Variants in SND1 observed in about 807,000 individuals in gnomAD.
The protein encoded by SND1 is staphylococcal nuclease and tudor domain containing 1, also known as staphylococcal nuclease domain-containing protein 1.
SND1 carries 38 observed loss-of-function variants against 121.7 expected under a neutral mutation model. That is an observed-to-expected ratio of 0.31 (90% CI 0.24 to 0.41). SND1 has a LOEUF of 0.41. Among genes scored for constraint, SND1 ranks in the 10% least tolerant of loss-of-function variants. The pLI, the probability that SND1 is intolerant of heterozygous loss-of-function variation, is 1.00. For missense variants in SND1, 868 were observed against 1,184.6 expected (o/e 0.73, Z 3.92); for synonymous variants, 401 against 447.4 (o/e 0.90, Z 1.31).
chr7:127,667,401 G>A (rs1391147429), intron 1 of SND1, among the ~76,000 whole-genome samples: 4 of 152,088 alleles, frequency 2.6e-5, no homozygotes, highest in Admixed American at 6.5e-5. Context: ...CCCCTACCAC[G>A]TTTTATCATT....
intron 14 of SND1, among the ~76,000 whole-genome samples, chr7:127,922,934 G>A (rs978650118): frequency 1.3e-5 from 2 of 152,182 alleles, no homozygotes; most frequent in Non-Finnish European, 2.9e-5. Context: ...CCTGAGTGAG[G>A]TGCTTTACCA....
chr7:127,770,781 T>C (rs1797499893), intron 10 of SND1, among the ~76,000 whole-genome samples: 1 of 152,260 alleles, frequency 6.6e-6, no homozygotes, highest in Non-Finnish European at 1.5e-5. Context: ...TGAATGCTTA[T>C]TGCTATTTCA....
At chr7:127,821,321 T>A (rs2116605157) in intron 11 of SND1, among the ~76,000 whole-genome samples, 1 of 152,278 alleles carries the variant, frequency 6.6e-6, no homozygotes, top group East Asian at 1.9e-4. Flanking sequence ...TTGGCCATTG[T>A]TTCAGTTAGC....
chr7:127,923,428 A>G (rs1166123727), intron 14 of SND1, among the ~76,000 whole-genome samples: 1 of 152,162 alleles, frequency 6.6e-6, no homozygotes, highest in Non-Finnish European at 1.5e-5. Flanking sequence ...TCTAGTACAC[A>G]TCTCACCACA....
At chr7:127,693,387 A>G (rs1381281409) in intron 2 of SND1, among the ~76,000 whole-genome samples, 1 of 152,148 alleles carries the variant, frequency 6.6e-6, no homozygotes, top group Non-Finnish European at 1.5e-5. Flanking sequence ...GTATCTGTTC[A>G]TTTTTGCATC....
intron 16 of SND1, among the ~76,000 whole-genome samples, chr7:128,007,844 A>G (rs577667784): frequency 9.9e-5 from 15 of 152,242 alleles, no homozygotes; most frequent in Non-Finnish European, 1.8e-4. Flanking sequence ...CCTTCATAAT[A>G]CTGAATTATA....
chr7:127,733,561 G>A (rs1414395601), intron 10 of SND1, among the ~76,000 whole-genome samples: 1 of 152,154 alleles, frequency 6.6e-6, no homozygotes, highest in Non-Finnish European at 1.5e-5. Flanking sequence ...ATCCCCTGAT[G>A]CAAAGTTTTA....
At chr7:127,704,721 A>G in intron 7 of SND1, 118 bp from the exon 8 acceptor site, 1 of 853,870 alleles carries the variant, frequency 1.2e-6, no homozygotes. Context: ...TAAACAAACA[A>G]ACAAACAAAC....
chr7:128,034,773 C>A (rs1792716991), intron 16 of SND1, among the ~76,000 whole-genome samples: 1 of 152,244 alleles, frequency 6.6e-6, no homozygotes, highest in South Asian at 2.1e-4. Flanking sequence ...GAAAGCACCA[C>A]TGAACCTACT....
At position 127,701,130 on chromosome 7, in the gene SND1, A is replaced by G. The variant is rs763749695; in HGVS notation, c.429-33A>G. On this transcript the variant is annotated intron_variant, in intron 4 of 23. Coordinates refer to ENST00000354725, the MANE Select transcript of SND1 (RefSeq NM_014390.4). ...GCCTCGTATTTCTGTTTGTGAACTCACTAACCACTCTTGTTTATTTTTTAT... is the reference window on the plus strand; with the variant it reads ...GCCTCGTATTTCTGTTTGTGAACTCGCTAACCACTCTTGTTTATTTTTTAT... 4.3e-6 allele frequency: 7 copies of G among 1,610,684 alleles called. No individual in the cohort carries two copies. In the South Asian group the frequency reaches 7.7e-5, roughly 18 times the overall value.
intron 12 of SND1, among the ~76,000 whole-genome samples, chr7:127,877,467 C>G (rs1799713021): frequency 6.6e-6 from 1 of 152,060 alleles, no homozygotes; most frequent in African/African-American, 2.4e-5. Context: ...ATTCCAAATA[C>G]TGCCTTCCTG....
chr7:127,935,702 G>A lies in SND1; in HGVS notation c.1669+6373G>A, dbSNP rs888917470. Among the ~76,000 whole-genome samples, 4 of 152,192 alleles carry A rather than the reference G, an allele frequency of 2.6e-5. No homozygotes were observed. The East Asian group carries it at 5.8e-4, about 22-fold the overall frequency. The stretch of plus-strand genomic sequence containing the variant: ...TGCTATTCATGTTGTGGGATTGTTC[G>A]CCTGGGCAGCGATTGTCCTGCTAGA... On this transcript the variant is annotated intron_variant, in intron 15 of 23. Transcript: ENST00000354725.
intron 12 of SND1, among the ~76,000 whole-genome samples, chr7:127,856,147 T>C (rs1283045021): frequency 3.9e-5 from 6 of 152,228 alleles, no homozygotes; most frequent in Non-Finnish European, 8.8e-5. Flanking sequence ...TGGATATGCA[T>C]GAGTAATGCT....
intron 16 of SND1, among the ~76,000 whole-genome samples, chr7:128,057,795 C>T (rs1403886452): frequency 3.3e-5 from 5 of 152,204 alleles, no homozygotes; most frequent in Non-Finnish European, 5.9e-5. Flanking sequence ...AGATAGATCT[C>T]TACCACACAC....
At chr7:127,732,547 C>T (rs1360753606) in intron 10 of SND1, among the ~76,000 whole-genome samples, 1 of 152,196 alleles carries the variant, frequency 6.6e-6, no homozygotes, top group East Asian at 1.9e-4. Flanking sequence ...TTGACTGCTG[C>T]CCTTTAGCTG....
At chr7:127,911,087 T>C (rs1309147461) in intron 14 of SND1, among the ~76,000 whole-genome samples, 2 of 152,310 alleles carry the variant, frequency 1.3e-5, no homozygotes, top group African/African-American at 4.8e-5. Flanking sequence ...GGTGGCTTCC[T>C]TGCCTCCCTG....
chr7:127,962,348 T>C (rs1801752508), intron 15 of SND1, among the ~76,000 whole-genome samples: 1 of 152,208 alleles, frequency 6.6e-6, no homozygotes, highest in Non-Finnish European at 1.5e-5. Flanking sequence ...ACCAGGTTCT[T>C]TGTATATACG....
rs2117074928 is a variant in SND1 at position 128,092,019 on chromosome 7, T to A, written c.2694T>A (p.Phe898Leu). ...TGAACCTGTGGCGCTATGGAGACTT[T>A]CGAGCTGATGATGCAGACGAATTTG... ...ARLNLWRYGD[F>L]RADDADEFGY... The change falls in exon 24 of 24, where the codon TTT becomes TTA. Residue 898 changes from phenylalanine (F) to leucine (L), a missense_variant. By Grantham distance (22) the Phe-to-Leu change is conservative. This residue lies in a region of SND1 where 743 missense variants were observed against 1,071.3 expected (regional missense o/e 0.69). Coordinates refer to ENST00000354725, the MANE Select transcript of SND1 (RefSeq NM_014390.4). The surrounding 1 kb of genome is among the most constrained non-coding windows in gnomAD (Gnocchi z 4.9). 6.2e-7 allele frequency: 1 copy of A among 1,614,112 alleles called. No individual in the cohort carries two copies. Among genetic ancestry groups the A allele is most frequent in the East Asian group, 2.2e-5 (1 of 44,888 alleles).
chr7:127,990,066 A>T (rs1802486833), intron 15 of SND1, among the ~76,000 whole-genome samples: 1 of 152,170 alleles, frequency 6.6e-6, no homozygotes, highest in Non-Finnish European at 1.5e-5. Flanking sequence ...GAGGATTTTG[A>T]GGTTTTGAGC....
Sources: gnomAD v4.1 joint callset for allele counts (sites outside exome capture counted in the v4.1 genomes callset) on GRCh38, gnomAD v4.1.1 for gene constraint, gnomAD v4.1.1 regional missense constraint, Gnocchi (gnomAD v3.1) non-coding constraint, MANE v1.5 for transcripts, NCBI Gene and HGNC (gene_info 2026-07-23, HGNC 2026-07-21) for gene names.